Variants in SH3D19 observed in about 807,000 individuals in gnomAD.
SH3D19 encodes the protein SH3 domain-containing protein 19.
In SH3D19, 58 loss-of-function variants were observed where a neutral mutation model predicts 112.1. The observed-to-expected ratio is 0.52, with a 90% CI of 0.42 to 0.64. The LOEUF (loss-of-function observed/expected upper bound fraction) is 0.64, where lower values mean the gene tolerates loss of function less well. SH3D19 is among the 30% of genes least tolerant of loss of function. The pLI is 0.00. For missense variants in SH3D19, 1,090 were observed against 1,263.4 expected, an observed-to-expected ratio of 0.86 and a Z score of 2.08; for synonymous variants, 391 against 448.5, an observed-to-expected ratio of 0.87 and a Z score of 1.62.
intron 10 of SH3D19, 68 bp from the exon 11 acceptor site, chr4:151,148,254 TACACACACACACACACACACAC>T: frequency 5.1e-6 from 5 of 982,754 alleles, no homozygotes; most frequent in South Asian, 1.8e-5. Flanking sequence ...TGTCCTGTCT[TACACACACACACACACACACAC>T]ACACACACAC....
At chr4:151,235,784 T>C (rs1342803141) in intron 1 of SH3D19, among the ~76,000 whole-genome samples, 3 of 151,980 alleles carry the variant, frequency 2.0e-5, no homozygotes, top group Non-Finnish European at 4.4e-5. Context: ...AGACTCTGTC[T>C]CAAAAAAAAA....
At chr4:151,136,141 G>GTTTTA (rs1182651070) in intron 14 of SH3D19, among the ~76,000 whole-genome samples, 20 of 152,056 alleles carry the variant, frequency 1.3e-4, no homozygotes, top group Non-Finnish European at 1.5e-5. Flanking sequence ...GCAACACTTT[G>GTTTTA]TTTTATTTTA....
At chr4:151,161,570 C>G (rs1282528367) in intron 8 of SH3D19, among the ~76,000 whole-genome samples, 1 of 151,070 alleles carries the variant, frequency 6.6e-6, no homozygotes, top group Non-Finnish European at 1.5e-5. Context: ...TATAAATTAC[C>G]TGCCATTTAA....
chr4:151,301,416 A>G (rs1404282665), intron 1 of SH3D19, among the ~76,000 whole-genome samples: 5 of 152,178 alleles, frequency 3.3e-5, no homozygotes, highest in Non-Finnish European at 7.3e-5. Context: ...TAGTAGAGAC[A>G]GGATTTCTCC....
chr4:151,277,356 G>C, intron 1 of SH3D19: 2 of 574,390 alleles, frequency 3.5e-6, no homozygotes, highest in Non-Finnish European at 5.3e-6. Context: ...GGTCCTGAGA[G>C]GCTACTATAT....
rs550217856 is a variant in SH3D19 at position 151,278,010 on chromosome 4, C to T, written c.112+47231G>A. ...AAGCCGAGATAGCGCCACTGCACTCCAGCCTTAGCGACAGAGTAAGACCCC... is the reference window on the plus strand; with the variant it reads ...AAGCCGAGATAGCGCCACTGCACTCTAGCCTTAGCGACAGAGTAAGACCCC... On this transcript the variant is annotated intron_variant, in intron 1 of 19. Coordinates refer to ENST00000604030, the MANE Select transcript of SH3D19 (RefSeq NM_001378122.1). Among the ~76,000 whole-genome samples the T allele has an allele frequency of 7.7e-4, 117 of 152,248 alleles. 2 individuals are homozygous for T. Among genetic ancestry groups the T allele is most frequent in the African/African-American group, 2.0e-3 (84 of 41,522 alleles).
intron 1 of SH3D19, among the ~76,000 whole-genome samples, chr4:151,242,701 A>G (rs1193912118): frequency 1.3e-5 from 2 of 152,222 alleles, no homozygotes; most frequent in Non-Finnish European, 2.9e-5. Context: ...GACTTTATAT[A>G]ATTCTTTATA....
chr4:151,277,711 T>C (rs1435860020), intron 1 of SH3D19, among the ~76,000 whole-genome samples: 1 of 152,084 alleles, frequency 6.6e-6, no homozygotes, highest in Non-Finnish European at 1.5e-5. Context: ...GGTATATGCT[T>C]GTTCATTTAT....
At chr4:151,169,025 T>C (rs1323027570) in intron 7 of SH3D19, among the ~76,000 whole-genome samples, 1 of 152,126 alleles carries the variant, frequency 6.6e-6, no homozygotes, top group East Asian at 1.9e-4. Flanking sequence ...CAAAACGTGC[T>C]TGCTGTGGGA....
chr4:151,261,132 G>C (rs1479431708), intron 1 of SH3D19: 4 of 152,092 alleles, frequency 2.6e-5, no homozygotes, highest in Admixed American at 2.6e-4. Context: ...ACCAGGAGAT[G>C]CTCAATACTT....
chr4:151,232,889 T>A (rs1769721421), intron 1 of SH3D19, among the ~76,000 whole-genome samples: 1 of 152,160 alleles, frequency 6.6e-6, no homozygotes, highest in Admixed American at 6.5e-5. Context: ...AGGCCAGAAG[T>A]CAAAATGAGT....
intron 1 of SH3D19, among the ~76,000 whole-genome samples, chr4:151,276,464 T>A (rs1050223897): frequency 1.3e-5 from 2 of 152,030 alleles, no homozygotes; most frequent in Non-Finnish European, 2.9e-5. Context: ...TCCTAGGAGG[T>A]GGCCTGCATC....
intron 3 of SH3D19, among the ~76,000 whole-genome samples, chr4:151,181,241 T>C (rs1047882846): frequency 5.9e-5 from 9 of 152,256 alleles, no homozygotes; most frequent in South Asian, 2.1e-4. Context: ...TTCTTCCTAT[T>C]TGAAAAGATT....
chr4:151,183,868 G>A (rs1406241180), intron 3 of SH3D19, among the ~76,000 whole-genome samples: 1 of 152,126 alleles, frequency 6.6e-6, no homozygotes. Flanking sequence ...CAGGAAACAA[G>A]GTTCATATCT....
At chr4:151,162,648 G>T (rs1174367797) in intron 8 of SH3D19, among the ~76,000 whole-genome samples, 2 of 149,630 alleles carry the variant, frequency 1.3e-5, no homozygotes, top group Non-Finnish European at 3.0e-5. Context: ...AAGCTGGAGG[G>T]CAATGGCGTG....
intron 1 of SH3D19, among the ~76,000 whole-genome samples, chr4:151,264,364 C>G (rs1772605823): frequency 7.5e-6 from 1 of 132,740 alleles, no homozygotes; most frequent in Non-Finnish European, 1.5e-5. Flanking sequence ...AACCTGGGAG[C>G]TGGGGGTGAG....
Position 151,175,531 on chromosome 4 carries a change from C to G in SH3D19, c.673G>C (p.Val225Leu). The change falls in exon 7 of 20, where the codon GTG becomes CTG. Residue 225 changes from valine to leucine, a missense_variant. Coordinates refer to ENST00000604030, the MANE Select transcript of SH3D19 (RefSeq NM_001378122.1). ...TTGCTTTTTGATCTTGGTTTTGGCA[C>G]TGGACATCTTGTAGCACTGGGGTTT... is the stretch of plus-strand genomic sequence containing the variant. ...PENPSATRCPVPKPRSKSNLR... is the reference protein window; with the variant it reads ...PENPSATRCPLPKPRSKSNLR... 1 of 1,404,542 alleles carries G rather than the reference C, an allele frequency of 7.1e-7. No homozygotes were observed. The highest frequency in any genetic ancestry group is 1.7e-5 in the South Asian group (1 of 58,286). The allele number at this position is 1,404,542 out of a possible 1,614,324, so 87.0% of individuals were successfully genotyped here.
At position 151,176,953 on chromosome 4, in the gene SH3D19, C is replaced by A. The variant is rs748733186; in HGVS notation, c.239G>T (p.Arg80Leu). The A allele has an allele frequency of 2.5e-5, 31 of 1,232,140 alleles. No individual in the cohort carries two copies. Among genetic ancestry groups the A allele is most frequent in the Non-Finnish European group, 3.1e-5 (31 of 987,966 alleles). 76.3% of individuals were successfully genotyped at this position (1,232,140 alleles called of 1,614,324 possible). ...IQSELHRDRR[R>L]PEITIVAAEP... ...AGCTGCCACAATGGTGATCTCTGGG[C>A]GCCTAGTGGACAGAAGCCTCAGTGA... Residue 80 changes from arginine (R) to leucine (L), a missense_variant and splice_region_variant, in exon 5 of 20, where the codon CGC (arginine) becomes CTC (leucine). Transcript: ENST00000604030.
intron 1 of SH3D19, among the ~76,000 whole-genome samples, chr4:151,295,142 C>T (rs920661585): frequency 6.6e-6 from 1 of 152,144 alleles, no homozygotes; most frequent in African/African-American, 2.4e-5. Flanking sequence ...TCAGTAAGGA[C>T]TCTGAATTTC....
Sources: gnomAD v4.1 joint callset for allele counts (sites outside exome capture counted in the v4.1 genomes callset) on GRCh38, gnomAD v4.1.1 for gene constraint, MANE v1.5 for transcripts, NCBI Gene and HGNC (gene_info 2026-07-23, HGNC 2026-07-21) for gene names.